FANCI: variants seen among roughly 807,000 people sequenced by gnomAD.
FANCI encodes FA complementation group I.
FANCI carries 156 observed loss-of-function variants against 176.1 expected under a neutral mutation model. The ratio of observed to expected loss-of-function variants is 0.89; its 90% CI spans 0.78 to 1.01. The LOEUF (loss-of-function observed/expected upper bound fraction) is 1.01, where lower values mean the gene tolerates loss of function less well. FANCI is among the 50% of genes least tolerant of loss of function. FANCI has a pLI of 0.00. For synonymous variants in FANCI, 613 were observed against 541.7 expected (o/e 1.13, Z -1.83); for missense variants, 1,678 against 1,534.1 (o/e 1.09, Z -1.57).
chr15:89,244,862 TAATG>T (rs1208885020), intron 1 of FANCI, among the ~76,000 whole-genome samples: 2 of 152,258 alleles, frequency 1.3e-5, no homozygotes, highest in Non-Finnish European at 2.9e-5. Flanking sequence ...GGAGTCATGT[TAATG>T]AATGTAAAGT....
chr15:89,288,583 AT>A (rs1417132214), intron 18 of FANCI, among the ~76,000 whole-genome samples: 1 of 150,642 alleles, frequency 6.6e-6, no homozygotes, highest in Non-Finnish European at 1.5e-5. Flanking sequence ...TGGTTACTAA[AT>A]CTATTGATTT....
At position 89,286,977 on chromosome 15, in the gene FANCI, C is replaced by CTTTTTTTTTTTTTT. The variant is rs543431700; in HGVS notation, c.1821+1767_1821+1780dup. On this transcript the variant is annotated intron_variant, in intron 18 of 37. Coordinates refer to ENST00000310775, the MANE Select transcript of FANCI (RefSeq NM_001113378.2). ...TCAGCATTTGCTGCTTCACCTTGCA[C>CTTTTTTTTTTTTTT]TTTTTTTTTTTTTTTTTTTTTGAGT... Among the ~76,000 whole-genome samples, 572 of 85,976 alleles carry CTTTTTTTTTTTTTT rather than the reference C, an allele frequency of 6.7e-3. 83 individuals are homozygous for CTTTTTTTTTTTTTT. Among genetic ancestry groups the CTTTTTTTTTTTTTT allele is most frequent in the African/African-American group, 0.022 (471 of 21,154 alleles). 56.4% of individuals were successfully genotyped at this position (85,976 alleles called of 152,430 possible). A position where few individuals can be genotyped will look rare whatever the true frequency, so the allele number is the denominator to read the frequency against.
Position 89,316,986 on chromosome 15 carries a change from C to CT in FANCI, c.*532dup. On this transcript the variant is annotated 3_prime_UTR_variant, in exon 38 of 38. Coordinates refer to ENST00000310775, the MANE Select transcript of FANCI (RefSeq NM_001113378.2). Reference sequence around the variant, plus strand: ...GTTACATGTTAGGAGGGTCTGTTTTCTTTTTATATAAGTGTGTCTTAGATA... The same window carrying CT: ...GTTACATGTTAGGAGGGTCTGTTTTCTTTTTTATATAAGTGTGTCTTAGATA... 4 of 667,684 alleles carry CT rather than the reference C, an allele frequency of 6.0e-6. No homozygotes were observed. The highest frequency in any genetic ancestry group is 8.1e-6 in the Non-Finnish European group (3 of 369,096). 41.4% of individuals were successfully genotyped at this position (667,684 alleles called of 1,614,324 possible). A position where few individuals can be genotyped will look rare whatever the true frequency, so the allele number is the denominator to read the frequency against.
rs1567164987 is a variant in FANCI at position 89,292,983 on chromosome 15, A to G, written c.2211A>G (p.Ile737Met). Residue 737 changes from isoleucine to methionine, a missense_variant, in exon 22 of 38, where the codon ATA becomes ATG. Transcript: ENST00000310775. ...TTTCTCAGAGCACCAGTATTGGCAT[A>G]AAAAATAATATCTGTGCTTTTCTTG... ...ADFSQSTSIG[I>M]KNNICAFLVM... 6.2e-7 allele frequency: 1 copy of G among 1,614,060 alleles called. No individual in the cohort carries two copies. The highest frequency in any genetic ancestry group is 8.5e-7 in the Non-Finnish European group (1 of 1,179,954).
chr15:89,295,158 C>G (rs950418760), intron 24 of FANCI, 64 bp downstream of exon 24: 20 of 1,493,660 alleles, frequency 1.3e-5, no homozygotes, highest in Non-Finnish European at 1.7e-5. Context: ...AGAGAACAAA[C>G]TGGGAACAGA....
At chr15:89,287,785 G>A (rs898073101) in intron 18 of FANCI, among the ~76,000 whole-genome samples, 1 of 152,154 alleles carries the variant, frequency 6.6e-6, no homozygotes, top group African/African-American at 2.4e-5. Context: ...CTGAGGAGAG[G>A]TGGAGAGATG....
At chr15:89,252,296 A>G (rs1317008031) in intron 2 of FANCI, among the ~76,000 whole-genome samples, 1 of 151,214 alleles carries the variant, frequency 6.6e-6, no homozygotes, top group African/African-American at 2.4e-5. Flanking sequence ...GTGAGATTCC[A>G]TCTAAAAAAA....
At chr15:89,261,782 A>G (rs1188097729) in intron 5 of FANCI, 39 bp from the exon 6 acceptor site, 15 of 1,614,066 alleles carry the variant, frequency 9.3e-6, no homozygotes, top group Non-Finnish European at 1.3e-5. Context: ...CTCTATGCAC[A>G]TAATCAAATT....
intron 23 of FANCI, among the ~76,000 whole-genome samples, chr15:89,294,222 A>T (rs2054169459): frequency 6.6e-6 from 1 of 152,246 alleles, no homozygotes; most frequent in African/African-American, 2.4e-5. Context: ...ATGAAAAGAT[A>T]GGGATGAATT....
chr15:89,264,715 C>T, intron 9 of FANCI, 108 bp downstream of exon 9: 1 of 937,444 alleles, frequency 1.1e-6, no homozygotes, highest in Non-Finnish European at 1.7e-6. Flanking sequence ...TTCACCTCAG[C>T]ACAAAACTTT....
chr15:89,316,642 G>A lies in FANCI; in HGVS notation c.*183G>A, dbSNP rs749017921. 2.8e-4 allele frequency: 327 copies of A among 1,155,474 alleles called. No homozygotes were observed. Among genetic ancestry groups the A allele is most frequent in the Non-Finnish European group, 4.1e-4 (314 of 769,398 alleles). 71.6% of individuals were successfully genotyped at this position (1,155,474 alleles called of 1,614,324 possible). On this transcript the variant is annotated 3_prime_UTR_variant, in exon 38 of 38. Coordinates refer to ENST00000310775, the MANE Select transcript of FANCI (RefSeq NM_001113378.2). Reference sequence around the variant, plus strand: ...CAGGTCCTGCTACTGAAAAATGGCTGGCCTTAGGCAAGCCCTTTTGCAAAA... The same window carrying A: ...CAGGTCCTGCTACTGAAAAATGGCTAGCCTTAGGCAAGCCCTTTTGCAAAA...
intron 36 of FANCI, 108 bp downstream of exon 36, chr15:89,314,815 G>C: frequency 1.7e-6 from 1 of 603,254 alleles, no homozygotes; most frequent in Non-Finnish European, 2.9e-6. Context: ...TGGGCCATTT[G>C]TGTGTTTGCC....
intron 23 of FANCI, 47 bp downstream of exon 23, chr15:89,294,044 G>A (rs763132583): frequency 1.2e-5 from 19 of 1,594,226 alleles, no homozygotes; most frequent in Admixed American, 8.3e-5. Context: ...CCTGAGGATC[G>A]TATACCTACC....
intron 27 of FANCI, among the ~76,000 whole-genome samples, chr15:89,303,369 T>A (rs1239614495): frequency 6.6e-6 from 1 of 152,240 alleles, no homozygotes; most frequent in East Asian, 1.9e-4. Context: ...TTCACTTAGC[T>A]AAGAAAATGC....
intron 9 of FANCI, among the ~76,000 whole-genome samples, chr15:89,266,513 G>C (rs145094888): frequency 6.6e-6 from 1 of 151,808 alleles, no homozygotes; most frequent in African/African-American, 2.4e-5. Context: ...ATTTTTAGTA[G>C]AGACGGGCTT....
chr15:89,305,570 T>G, intron 30 of FANCI, 35 bp from the exon 31 acceptor site: 1 of 1,609,442 alleles, frequency 6.2e-7, no homozygotes, highest in South Asian at 1.1e-5. Flanking sequence ...CACAGCTGTG[T>G]GTAGTGAATC....
rs370372846 is a variant in FANCI, at chr15:89,313,228, CTG to C, written c.3720+259_3720+260del. On this transcript the variant is annotated intron_variant, in intron 35 of 37. Coordinates refer to ENST00000310775, the MANE Select transcript of FANCI (RefSeq NM_001113378.2). ...GGTGATGAAAATGTTTTAGAATTGA[CTG>C]TGATGATGGTTGCACAACTCTGCAA... Among the ~76,000 whole-genome samples the C allele has an allele frequency of 4.3e-4, 65 of 151,918 alleles. 1 individual carries two copies. Among genetic ancestry groups the C allele is most frequent in the African/African-American group, 1.5e-3 (63 of 41,394 alleles).
chr15:89,253,792 G>T (rs12912866), intron 2 of FANCI, among the ~76,000 whole-genome samples: 47,728 of 137,990 alleles, frequency 0.35, 10,899 homozygotes, highest in South Asian at 0.45. Context: ...CTTGTGGGGG[G>T]GGGGGGGAAG....
chr15:89,246,037 A>C (rs1437457421), intron 1 of FANCI, among the ~76,000 whole-genome samples: 1 of 152,200 alleles, frequency 6.6e-6, no homozygotes, highest in East Asian at 1.9e-4. Context: ...TGAAGGATGA[A>C]GGCAAAGTTG....
Sources: allele counts gnomAD v4.1 joint callset (sites outside exome capture counted in the v4.1 genomes callset), GRCh38; gene constraint gnomAD v4.1.1; transcripts MANE v1.5; gene names NCBI Gene and HGNC (gene_info 2026-07-23, HGNC 2026-07-21).